SAFB: variants seen among roughly 807,000 people sequenced by gnomAD.
SAFB encodes scaffold attachment factor B1.
SAFB carries 15 observed loss-of-function variants against 101.6 expected under a neutral mutation model. The observed-to-expected ratio is 0.15, with a 90% CI of 0.10 to 0.23. SAFB has a LOEUF of 0.23. SAFB is among the 10% of genes least tolerant of loss of function. The pLI is 1.00. For synonymous variants in SAFB, 449 were observed against 407.5 expected (o/e 1.10, Z -1.23); for missense variants, 930 against 1,104.1 (o/e 0.84, Z 2.23).
intron 5 of SAFB, among the ~76,000 whole-genome samples, chr19:5,646,430 G>A (rs751406315): frequency 4.9e-4 from 75 of 152,152 alleles, no homozygotes; most frequent in Non-Finnish European, 9.8e-4. Context: ...GGAGGAGCCG[G>A]ATCTTGTCAC....
chr19:5,631,259 C>T (rs1347006350), intron 2 of SAFB, among the ~76,000 whole-genome samples: 2 of 152,172 alleles, frequency 1.3e-5, no homozygotes, highest in African/African-American at 4.8e-5. Flanking sequence ...TCTCCCCTCC[C>T]AGCCCCTGCA....
chr19:5,659,669 C>A (rs930450013), intron 14 of SAFB, among the ~76,000 whole-genome samples: 2 of 151,684 alleles, frequency 1.3e-5, no homozygotes, highest in African/African-American at 4.9e-5. Context: ...GCGTGAGCCA[C>A]TGCGCCCAGC....
At chr19:5,649,615 T>G in intron 7 of SAFB, 116 bp downstream of exon 7, 1 of 562,468 alleles carries the variant, frequency 1.8e-6, no homozygotes. Flanking sequence ...AATTGTAGTT[T>G]TGCTTCTAAA....
intron 4 of SAFB, among the ~76,000 whole-genome samples, chr19:5,642,625 A>G (rs928083675): frequency 1.1e-4 from 16 of 146,272 alleles, no homozygotes; most frequent in Non-Finnish European, 2.2e-4. Context: ...ACTACCTACC[A>G]GGCATTGGCA....
chr19:5,643,115 G>A (rs529688268), intron 4 of SAFB, among the ~76,000 whole-genome samples: 1 of 152,244 alleles, frequency 6.6e-6, no homozygotes, highest in East Asian at 1.9e-4. Context: ...AATTCCAGAG[G>A]CCATGTACTT....
rs1002340940 is a variant in SAFB at position 5,643,668 on chromosome 19, G to A, written c.547-1669G>A. On this transcript the variant is annotated intron_variant, in intron 4 of 20. Transcript: ENST00000588852. The stretch of plus-strand genomic sequence containing the variant: ...AACAAAAGCTGGAAACATCCTAAAT[G>A]CCTGGAAGCAGTTTAGTTTTAAGGG... 3.9e-5 allele frequency among the ~76,000 whole-genome samples: 6 copies of A among 152,100 alleles called. No homozygotes were observed. The East Asian group carries it at 1.2e-3, about 29-fold the overall frequency.
chr19:5,659,537 A>G (rs1272917972), intron 14 of SAFB, among the ~76,000 whole-genome samples: 1 of 151,784 alleles, frequency 6.6e-6, no homozygotes, highest in Non-Finnish European at 1.5e-5. Context: ...GCCTGCCATC[A>G]TGCCCAGCTA....
At chr19:5,640,338 A>G (rs1472820085) in intron 2 of SAFB, among the ~76,000 whole-genome samples, 1 of 151,098 alleles carries the variant, frequency 6.6e-6, no homozygotes, top group Non-Finnish European at 1.5e-5. Context: ...AATTTTTAAC[A>G]GAGATTCAAG....
Position 5,651,087 on chromosome 19 carries a change from T to C in SAFB, c.1293+15T>C, listed in dbSNP as rs1212495699. On this transcript the variant is annotated intron_variant, in intron 9 of 20. Transcript: ENST00000588852. ...AATATGGGAAGGTAAGTGCCAGAGC[T>C]TTTCTGGAGAAGATACTTTGAAACC... The C allele has an allele frequency of 1.3e-6, 2 of 1,531,278 alleles. No individual in the cohort carries two copies. The highest frequency in any genetic ancestry group is 4.5e-5 in the East Asian group (2 of 44,164). The allele number at this position is 1,531,278 out of a possible 1,614,324, so 94.9% of individuals were successfully genotyped here.
chr19:5,628,485 A>G (rs529749985), intron 2 of SAFB, among the ~76,000 whole-genome samples: 54 of 152,364 alleles, frequency 3.5e-4, no homozygotes, highest in African/African-American at 1.2e-3. Context: ...AATTTTGTGC[A>G]TGAAACAAAA....
chr19:5,652,404 G>A (rs796913665), intron 9 of SAFB, among the ~76,000 whole-genome samples: 7 of 152,102 alleles, frequency 4.6e-5, no homozygotes, highest in South Asian at 4.1e-4. Flanking sequence ...TGTCTTGAGC[G>A]CAGCAGGCCT....
chr19:5,667,723 T>C lies in SAFB; in HGVS notation c.2558-97T>C. On this transcript the variant is annotated intron_variant, in intron 19 of 20. Coordinates refer to ENST00000588852, the MANE Select transcript of SAFB (RefSeq NM_001201338.2). This position sits in a 1 kb window ranked among gnomAD's most constrained non-coding sequence, Gnocchi z 4.0. ...CTGGGACCCGCTAGTTGTGGGTACC[T>C]GGGGGCCTCACCAAAGGGAGTGGAG... The C allele has an allele frequency of 1.7e-6, 2 of 1,198,024 alleles. No individual in the cohort carries two copies. Among genetic ancestry groups the C allele is most frequent in the Non-Finnish European group, 2.4e-6 (2 of 817,210 alleles). The allele number at this position is 1,198,024 out of a possible 1,614,324, so 74.2% of individuals were successfully genotyped here.
chr19:5,650,764 G>T (rs929896510), intron 8 of SAFB, among the ~76,000 whole-genome samples: 2 of 152,126 alleles, frequency 1.3e-5, no homozygotes, highest in Non-Finnish European at 2.9e-5. Context: ...GCCCCACTCA[G>T]TATTGTGACG....
At chr19:5,636,281 A>C (rs1230275485) in intron 2 of SAFB, among the ~76,000 whole-genome samples, 1 of 152,046 alleles carries the variant, frequency 6.6e-6, no homozygotes, top group African/African-American at 2.4e-5. Context: ...ATTATCTGGA[A>C]TAGGATTGGA....
At chr19:5,631,412 C>A (rs2053487798) in intron 2 of SAFB, among the ~76,000 whole-genome samples, 1 of 152,094 alleles carries the variant, frequency 6.6e-6, no homozygotes, top group African/African-American at 2.4e-5. Context: ...CAGTTTTATT[C>A]TAGAAATTTA....
intron 2 of SAFB, among the ~76,000 whole-genome samples, chr19:5,636,895 G>A (rs1159641558): frequency 6.6e-6 from 1 of 151,594 alleles, no homozygotes; most frequent in African/African-American, 2.4e-5. Context: ...TTTTAGTAGA[G>A]ACAGGGTCTC....
intron 9 of SAFB, 110 bp downstream of exon 9, chr19:5,651,182 A>AC (rs1466623249): frequency 1.4e-5 from 9 of 644,142 alleles, no homozygotes; most frequent in Non-Finnish European, 2.4e-5. Flanking sequence ...CAAGGAGCTT[A>AC]CACTTGCTAA....
Position 5,667,687 on chromosome 19 carries a change from C to T in SAFB, c.2558-133C>T. 1 of 848,626 alleles carries T rather than the reference C, an allele frequency of 1.2e-6. No homozygotes were observed. Among genetic ancestry groups the T allele is most frequent in the Non-Finnish European group, 1.9e-6 (1 of 520,478 alleles). 52.6% of individuals were successfully genotyped at this position (848,626 alleles called of 1,614,324 possible). On this transcript the variant is annotated intron_variant, in intron 19 of 20. Coordinates refer to ENST00000588852, the MANE Select transcript of SAFB (RefSeq NM_001201338.2). The surrounding 1 kb of genome is among the most constrained non-coding windows in gnomAD (Gnocchi z 4.0). ...GCTGGACGTCTATGGTCCCTGTGCCCAGGTGTCTTCCTGGGACCCGCTAGT... is the reference window on the plus strand; with the variant it reads ...GCTGGACGTCTATGGTCCCTGTGCCTAGGTGTCTTCCTGGGACCCGCTAGT...
rs1375794677 is a variant in SAFB, at chr19:5,650,955, AC to A, written c.1199-22del. 3.4e-6 allele frequency: 5 copies of A among 1,478,116 alleles called. No homozygotes were observed. The African/African-American group carries it at 7.0e-5, about 21-fold the overall frequency. The allele number at this position is 1,478,116 out of a possible 1,614,324, so 91.6% of individuals were successfully genotyped here. On this transcript the variant is annotated intron_variant, in intron 8 of 20. Coordinates refer to ENST00000588852, the MANE Select transcript of SAFB (RefSeq NM_001201338.2). ...AGATCTTGTGGGTATTTGGGTTTTT[AC>A]TAGAATTTTCTTTTGAAATAGGTCG...
Sources: allele counts gnomAD v4.1 joint callset (sites outside exome capture counted in the v4.1 genomes callset), GRCh38; gene constraint gnomAD v4.1.1; non-coding constraint Gnocchi (gnomAD v3.1); transcripts MANE v1.5; gene names NCBI Gene and HGNC (gene_info 2026-07-23, HGNC 2026-07-21).